Variants in GYS1 observed in about 807,000 individuals in gnomAD.
The protein encoded by GYS1 is glycogen [starch] synthase, muscle.
A neutral mutation model predicts 89.1 loss-of-function variants in GYS1; 60 were observed. That is an observed-to-expected ratio of 0.67 (90% CI 0.55 to 0.84). GYS1 has a LOEUF of 0.84. GYS1 is among the 40% of genes least tolerant of loss of function. The probability of loss-of-function intolerance (pLI) is 0.00; values close to 1 mark genes in which losing one functional copy is unlikely to be tolerated. For synonymous variants in GYS1, 366 were observed against 401.7 expected (o/e 0.91, Z 1.06); for missense variants, 888 against 1,003.1 (o/e 0.89, Z 1.55).
In GYS1 at chr19:48,985,441, G is replaced by A. The variant is rs1343844948; in HGVS notation, c.823+20C>T. 9.9e-6 allele frequency: 16 copies of A among 1,612,044 alleles called. No homozygotes were observed. Among genetic ancestry groups the A allele is most frequent in the Non-Finnish European group, 1.4e-5 (16 of 1,179,664 alleles). On this transcript the variant is annotated intron_variant, in intron 5 of 15. Transcript: ENST00000323798. Reference sequence around the variant, plus strand: ...GCTGCCTACCTCATTCACGTCTGGGGACTTCAGCCCAGCCCCTACCTGGTT... The same window carrying A: ...GCTGCCTACCTCATTCACGTCTGGGAACTTCAGCCCAGCCCCTACCTGGTT...
intron 13 of GYS1, 42 bp downstream of exon 13, chr19:48,970,886 C>G (rs760730560): frequency 6.6e-7 from 1 of 1,514,390 alleles, no homozygotes; most frequent in South Asian, 1.1e-5. Flanking sequence ...AGTCACTGTT[C>G]TCAAGCCCCC....
In GYS1 at chr19:48,969,202, G is replaced by C; in HGVS notation, c.*86C>G. The C allele has an allele frequency of 8.0e-7, 1 of 1,251,806 alleles. No individual in the cohort carries two copies. Among genetic ancestry groups the C allele is most frequent in the Non-Finnish European group, 1.1e-6 (1 of 906,324 alleles). 77.5% of individuals were successfully genotyped at this position (1,251,806 alleles called of 1,614,324 possible). ...GCGGGGCCACACCCAGTGCAGATCT[G>C]GAGCGGGGGTTTAGGAGCAGCACCC... On this transcript the variant is annotated 3_prime_UTR_variant, in exon 16 of 16. Transcript: ENST00000323798.
intron 2 of GYS1, among the ~76,000 whole-genome samples, chr19:48,990,004 G>GGGA (rs1555800138): frequency 6.7e-6 from 1 of 149,242 alleles, no homozygotes; most frequent in Admixed American, 6.7e-5. Flanking sequence ...TTGCTGGGGG[G>GGGA]GGGGGGGGGC....
Position 48,991,313 on chromosome 19 carries a change from T to C in GYS1, c.289A>G (p.Lys97Glu), listed in dbSNP as rs764543224. 2 of 1,613,892 alleles carry C rather than the reference T, an allele frequency of 1.2e-6. No homozygotes were observed. The highest frequency in any genetic ancestry group is 1.7e-6 in the Non-Finnish European group (2 of 1,180,032). The change falls in exon 2 of 16, where the codon AAG (lysine) becomes GAG (glutamate). Residue 97 changes from lysine (K) to glutamate (E), a missense_variant. Transcript: ENST00000323798. The surrounding 1 kb of genome is among the most constrained non-coding windows in gnomAD (Gnocchi z 4.7). Reference protein sequence around the residue: ...LKRTLDSMNSKGCKVYFGRWL... With the variant: ...LKRTLDSMNSEGCKVYFGRWL... ...GGGCCACGTCCCACCTTGCAGCCCT[T>C]GCTGTTCATGGAATCCAGTGTCCTC...
chr19:48,982,907 A>G, intron 5 of GYS1, 70 bp from the exon 6 acceptor site: 1 of 1,155,916 alleles, frequency 8.7e-7, no homozygotes, highest in Non-Finnish European at 1.3e-6. Flanking sequence ...GAATGAATAA[A>G]TGAAGAAAAC....
At position 48,974,733 on chromosome 19, in the gene GYS1, G is replaced by T. The variant is rs369143238; in HGVS notation, c.1309C>A (p.Arg437=). ...MMKRAIFATQ[R]QSFPPVCTHN... is the part of the protein sequence containing the mutation. ...GTGCACACAGGGGGGAAAGACTGCC[G>T]CTGCAGGAGCCACAAGAAGGGTAAG... The change falls in exon 11 of 16, where the codon CGG becomes AGG. Residue 437 remains arginine (R), a splice_region_variant and synonymous_variant. Transcript: ENST00000323798. 5 of 1,600,818 alleles carry T rather than the reference G, an allele frequency of 3.1e-6. No homozygotes were observed. The African/African-American group carries it at 5.4e-5, about 17-fold the overall frequency.
chr19:48,973,066 G>A (rs1381135719), intron 12 of GYS1, among the ~76,000 whole-genome samples: 2 of 152,216 alleles, frequency 1.3e-5, no homozygotes, highest in East Asian at 3.9e-4. Context: ...TAGTCCCCAC[G>A]TGTCGAGGGA....
In GYS1 at chr19:48,987,493, C is replaced by G. The variant is rs1394457665; in HGVS notation, c.301-108G>C. Reference sequence around the variant, plus strand: ...CAGGCAGATGTCTATAGACTTAAGCCTCAGCTCTCTTATCTTCTGTTTCCA... The same window carrying G: ...CAGGCAGATGTCTATAGACTTAAGCGTCAGCTCTCTTATCTTCTGTTTCCA... On this transcript the variant is annotated intron_variant, in intron 2 of 15. Coordinates refer to ENST00000323798, the MANE Select transcript of GYS1 (RefSeq NM_002103.5). 1.1e-5 allele frequency: 9 copies of G among 787,004 alleles called. No individual in the cohort carries two copies. In the Admixed American group the frequency reaches 2.6e-4, roughly 23 times the overall value. 48.8% of individuals were successfully genotyped at this position (787,004 alleles called of 1,614,324 possible).
rs767829857 is a variant in GYS1 at position 48,982,274 on chromosome 19, C to T, written c.1043G>A (p.Arg348Gln). 3.8e-5 allele frequency: 61 copies of T among 1,613,670 alleles called. No homozygotes were observed. Among genetic ancestry groups the T allele is most frequent in the Middle Eastern group, 3.3e-4 (2 of 6,080 alleles). ...CCTCACTCTGAGCAGATAGTTGAGCCGAGCCAATGCCTCCAGGAAGACGTC... is the reference window on the plus strand; with the variant it reads ...CCTCACTCTGAGCAGATAGTTGAGCTGAGCCAATGCCTCCAGGAAGACGTC... ...GADVFLEALA[R>Q]LNYLLRVNGS... is the part of the protein sequence containing the mutation. Residue 348 changes from arginine (R) to glutamine (Q), a missense_variant, in exon 7 of 16, where the codon CGG becomes CAG. Arg to Gln is a conservative substitution (Grantham distance 43). Coordinates refer to ENST00000323798, the MANE Select transcript of GYS1 (RefSeq NM_002103.5).
rs2122461010 is a variant in GYS1 at position 48,970,707 on chromosome 19, TACC to T, written c.1646-1_1647del. On this transcript the variant is annotated splice_acceptor_variant and coding_sequence_variant, in exon 14 of 16. Transcript: ENST00000323798. LOFTEE classifies it high-confidence loss of function. ...CGGAACCGCCGGTCAAGAATGTAGA[TACC>T]TGTGGAGGCCAGGACCCAGGTTCAG... 3 of 1,613,722 alleles carry T rather than the reference TACC, an allele frequency of 1.9e-6. No individual in the cohort carries two copies. In the South Asian group the frequency reaches 3.3e-5, roughly 18 times the overall value.
Position 48,968,313 on chromosome 19 carries a change from A to C in GYS1, c.*975T>G, listed in dbSNP as rs1252238401. 4.4e-6 allele frequency: 2 copies of C among 454,296 alleles called. No homozygotes were observed. The highest frequency in any genetic ancestry group is 8.8e-6 in the Non-Finnish European group (2 of 226,774). The allele number at this position is 454,296 out of a possible 1,614,324, so 28.1% of individuals were successfully genotyped here. A position where few individuals can be genotyped will look rare whatever the true frequency, so the allele number is the denominator to read the frequency against. ...TTGGGGATGGAAGAGCCTCGAGGTA[A>C]ATGTGGGGGTTCTAGAACCCAGTGA... On this transcript the variant is annotated 3_prime_UTR_variant, in exon 16 of 16. Coordinates refer to ENST00000323798, the MANE Select transcript of GYS1 (RefSeq NM_002103.5).
intron 1 of GYS1, 21 bp downstream of exon 1, chr19:48,992,974 C>T (rs1190944695): frequency 6.5e-6 from 9 of 1,395,204 alleles, no homozygotes; most frequent in Non-Finnish European, 8.2e-6. Flanking sequence ...CGTCAAGGGC[C>T]CCGACGCCTG....
intron 1 of GYS1, among the ~76,000 whole-genome samples, chr19:48,992,179 GAC>G (rs1475559031): frequency 1.1e-4 from 17 of 152,044 alleles, no homozygotes; most frequent in African/African-American, 4.1e-4. Flanking sequence ...CCTCCTGGGA[GAC>G]ACAGTCCCTT....
chr19:48,981,568 C>T lies in GYS1; in HGVS notation c.1131G>A (p.Val377=), dbSNP rs1454369197. The change falls in exon 8 of 16, where the codon GTG becomes GTA. Residue 377 remains valine (V), a synonymous_variant. Coordinates refer to ENST00000323798, the MANE Select transcript of GYS1 (RefSeq NM_002103.5). ...IMPARTNNFN[V]ETLKGQAVRK... Reference sequence around the variant, plus strand: ...GCACAGCTTGGCCTTTGAGGGTTTCCACGTTGAAATTGTTGGTCCGCGCTG... The same window carrying T: ...GCACAGCTTGGCCTTTGAGGGTTTCTACGTTGAAATTGTTGGTCCGCGCTG... The T allele has an allele frequency of 6.2e-7, 1 of 1,613,588 alleles. No individual in the cohort carries two copies. Among genetic ancestry groups the T allele is most frequent in the Admixed American group, 1.7e-5 (1 of 60,002 alleles).
In GYS1 at chr19:48,985,760, G is replaced by T; in HGVS notation, c.678+90C>A. The T allele has an allele frequency of 3.3e-6, 5 of 1,532,620 alleles. No homozygotes were observed. In the South Asian group the frequency reaches 5.6e-5, roughly 17 times the overall value. The allele number at this position is 1,532,620 out of a possible 1,614,324, so 94.9% of individuals were successfully genotyped here. ...GGACTTGGACTCCTGGATCCTGGGA[G>T]AAGAGGGGGTGCCATCCCCTTGGGC... is the stretch of plus-strand genomic sequence containing the variant. On this transcript the variant is annotated intron_variant, in intron 4 of 15. Coordinates refer to ENST00000323798, the MANE Select transcript of GYS1 (RefSeq NM_002103.5).
intron 5 of GYS1, 39 bp from the exon 6 acceptor site, chr19:48,982,876 A>C: frequency 7.8e-7 from 1 of 1,279,020 alleles, no homozygotes. Flanking sequence ...TTATTTGTTC[A>C]TTCAGATCAA....
At chr19:48,989,467 G>C (rs1324187875) in intron 2 of GYS1, among the ~76,000 whole-genome samples, 1 of 140,330 alleles carries the variant, frequency 7.1e-6, no homozygotes, top group Admixed American at 7.3e-5. Flanking sequence ...CAGCGACAGA[G>C]TGAGATTCTA....
At chr19:48,989,852 T>C (rs1316914660) in intron 2 of GYS1, among the ~76,000 whole-genome samples, 2 of 152,200 alleles carry the variant, frequency 1.3e-5, no homozygotes, top group Non-Finnish European at 2.9e-5. Flanking sequence ...AGTTGGCTGT[T>C]TTCCTCCCTG....
intron 1 of GYS1, among the ~76,000 whole-genome samples, chr19:48,992,127 A>G (rs1293717996): frequency 6.6e-6 from 1 of 151,946 alleles, no homozygotes; most frequent in African/African-American, 2.4e-5. Context: ...CCTGGAGCCC[A>G]GGCCCTGGCG....
Sources: gnomAD v4.1 joint callset for allele counts (sites outside exome capture counted in the v4.1 genomes callset) on GRCh38, gnomAD v4.1.1 for gene constraint, Gnocchi (gnomAD v3.1) non-coding constraint, MANE v1.5 for transcripts, NCBI Gene and HGNC (gene_info 2026-07-23, HGNC 2026-07-21) for gene names.